Variants in CELSR3 observed in about 807,000 individuals in gnomAD.
CELSR3 encodes the protein EGF-like protein 1.
Under a neutral mutation model 270.0 loss-of-function variants are expected in CELSR3, and 73 were observed. The ratio of observed to expected loss-of-function variants is 0.27; its 90% confidence interval spans 0.22 to 0.33. The LOEUF (loss-of-function observed/expected upper bound fraction) is 0.33, where lower values mean the gene tolerates loss of function less well. CELSR3 is among the 10% of genes least tolerant of loss of function. The pLI is 1.00. For synonymous variants in CELSR3, 1,780 were observed against 1,905.4 expected (o/e 0.93, Z 1.71); for missense variants, 3,614 against 4,533.8 (o/e 0.80, Z 5.83).
At chr3:48,649,506 G>C (rs756471382) in intron 16 of CELSR3, among the ~76,000 whole-genome samples, 19 of 152,218 alleles carry the variant, frequency 1.2e-4, no homozygotes, top group Non-Finnish European at 2.8e-4. Context: ...AGATGTGCTG[G>C]TTCACACAGA....
At position 48,650,042 on chromosome 3, in the gene CELSR3, G is replaced by C. The variant is rs2047123411; in HGVS notation, c.6472+438C>G. ...CTCAGGCAGTGGGGAAAGTTCTATG[G>C]GGACCCCAGGAACTGAGAAGGGGTC... On this transcript the variant is annotated intron_variant, in intron 16 of 34. Coordinates refer to ENST00000164024, the MANE Select transcript of CELSR3 (RefSeq NM_001407.3). The surrounding 1 kb of genome is among the most constrained non-coding windows in gnomAD (Gnocchi z 5.1). 6.6e-6 allele frequency among the ~76,000 whole-genome samples: 1 copy of C among 151,754 alleles called. No homozygotes were observed. The highest frequency in any genetic ancestry group is 1.5e-5 in the Non-Finnish European group (1 of 67,944).
rs182696420 is a variant in CELSR3 at position 48,641,335 on chromosome 3, C to T, written c.9014G>A (p.Arg3005His). The T allele has an allele frequency of 1.5e-5, 24 of 1,608,052 alleles. No individual in the cohort carries two copies. The Admixed American group carries it at 1.5e-4, about 10-fold the overall frequency. The change falls in exon 33 of 35, where the codon CGC (arginine) becomes CAC (histidine). Residue 3005 changes from arginine to histidine, a missense_variant. Around this residue, in one of 7 missense-constraint regions of CELSR3, gnomAD observed 1,240 missense variants for 1,351.7 expected, o/e 0.92. Coordinates refer to ENST00000164024, the MANE Select transcript of CELSR3 (RefSeq NM_001407.3). This position sits in a 1 kb window ranked among gnomAD's most constrained non-coding sequence, Gnocchi z 4.8. ...CTCAGGGACTGTACCTTTCCTCTGG[C>T]GCTGGGCCCGGCCCAGAGAAGTCTC... ...GDETSLGRAQ[R>H]QRKGILKNRL...
At position 48,645,823 on chromosome 3, in the gene CELSR3, C is replaced by T. The variant is rs759117219; in HGVS notation, c.7509G>A (p.Val2503=). The part of the protein sequence containing the change: ...GVWTARDCEL[V]HRNGSHARCR... Reference sequence around the variant, plus strand: ...ACCGTGCGTGGGACCCATTCCTGTGCACCAGCTCGCAGTCCCGTGCTGTCC... The same window carrying T: ...ACCGTGCGTGGGACCCATTCCTGTGTACCAGCTCGCAGTCCCGTGCTGTCC... Residue 2503 remains valine, a synonymous_variant, in exon 23 of 35, where the codon GTG becomes GTA. Transcript: ENST00000164024. This position sits in a 1 kb window ranked among gnomAD's most constrained non-coding sequence, Gnocchi z 5.4. The T allele has an allele frequency of 5.0e-6, 8 of 1,610,974 alleles. No homozygotes were observed. Among genetic ancestry groups the T allele is most frequent in the East Asian group, 2.2e-5 (1 of 44,818 alleles).
At chr3:48,638,741 C>T (rs1260157124) in intron 34 of CELSR3, among the ~76,000 whole-genome samples, 1 of 152,046 alleles carries the variant, frequency 6.6e-6, no homozygotes, top group East Asian at 1.9e-4. Flanking sequence ...GGACCCAGGC[C>T]GTGGGTTAGC....
At position 48,640,788 on chromosome 3, in the gene CELSR3, A is replaced by T; in HGVS notation, c.9026-229T>A. ...CCAGTTGTGGTCCCGGGGCAGGGGG[A>T]GGGCGGGCAGGTCTCATGGTGCAGG... is the stretch of plus-strand genomic sequence containing the variant. On this transcript the variant is annotated intron_variant, in intron 33 of 34. Transcript: ENST00000164024. The surrounding 1 kb of genome is among the most constrained non-coding windows in gnomAD (Gnocchi z 7.5). 2.0e-4 allele frequency: 65 copies of T among 332,924 alleles called. No individual in the cohort carries two copies. The highest frequency in any genetic ancestry group is 4.1e-4 in the East Asian group (7 of 16,952). 20.6% of individuals were successfully genotyped at this position (332,924 alleles called of 1,614,324 possible).
chr3:48,657,095 A>C lies in CELSR3; in HGVS notation c.4002T>G (p.Ala1334=), dbSNP rs909084567. 4 of 1,613,710 alleles carry C rather than the reference A, an allele frequency of 2.5e-6. No homozygotes were observed. The highest frequency in any genetic ancestry group is 3.4e-6 in the Non-Finnish European group (4 of 1,179,940). The change falls in exon 2 of 35, where the codon GCT becomes GCG. Residue 1334 remains alanine, a synonymous_variant. Transcript: ENST00000164024. This position sits in a 1 kb window ranked among gnomAD's most constrained non-coding sequence, Gnocchi z 5.4. ...TVLNVSFSAL[A]PRGAGAGAAG... is the part of the protein sequence containing the mutation. ...CAGCGCCCGCCCCGGCCCCACGTGG[A>C]GCTAGCGCCGAGAAACTCACATTGA...
At position 48,648,248 on chromosome 3, in the gene CELSR3, A is replaced by AAAC; in HGVS notation, c.6973+17_6973+18insGTT. ...TGGCCCCCCTGCTGTGCCCCGCCCT[A>AAAC]CCCCACCCACAACGCACTGATATTA... On this transcript the variant is annotated intron_variant, in intron 19 of 34. Coordinates refer to ENST00000164024, the MANE Select transcript of CELSR3 (RefSeq NM_001407.3). The AAAC allele has an allele frequency of 6.2e-6, 6 of 975,246 alleles. No homozygotes were observed. Among genetic ancestry groups the AAAC allele is most frequent in the African/African-American group, 1.8e-5 (1 of 55,098 alleles). The allele number at this position is 975,246 out of a possible 1,614,324, so 60.4% of individuals were successfully genotyped here. A position where few individuals can be genotyped will look rare whatever the true frequency, so the allele number is the denominator to read the frequency against.
chr3:48,645,971 ATTCCT>A lies in CELSR3; in HGVS notation c.7464-108_7464-104del. 3 of 1,570,686 alleles carry A rather than the reference ATTCCT, an allele frequency of 1.9e-6. No individual in the cohort carries two copies. The highest frequency in any genetic ancestry group is 2.7e-5 in the African/African-American group (2 of 74,016). ...AGGGTGCCTGGAGTTGGGGTACAGCATTCCTCATGGTCCGGGTTGCACAACAGCAC... is the reference window on the plus strand; with the variant it reads ...AGGGTGCCTGGAGTTGGGGTACAGCACATGGTCCGGGTTGCACAACAGCAC... On this transcript the variant is annotated intron_variant, in intron 22 of 34. Transcript: ENST00000164024. This position sits in a 1 kb window ranked among gnomAD's most constrained non-coding sequence, Gnocchi z 5.4.
Position 48,651,593 on chromosome 3 carries a change from G to A in CELSR3, c.6049C>T (p.His2017Tyr), listed in dbSNP as rs2047137646. ...GCCTCTTACCTGTGCTCACAGTGGT[G>A]CCCGAAATAGCCACCCACACAGTCA... ...TCDCVGGYFG[H>Y]HCEHRMDQQC... The change falls in exon 13 of 35, where the codon CAC becomes TAC. Residue 2017 changes from histidine to tyrosine, a missense_variant. Around this residue, in one of 7 missense-constraint regions of CELSR3, gnomAD observed 1,331 missense variants for 1,933.7 expected, o/e 0.69. Transcript: ENST00000164024. The surrounding 1 kb of genome is among the most constrained non-coding windows in gnomAD (Gnocchi z 7.4). The A allele has an allele frequency of 1.3e-6, 2 of 1,574,694 alleles. No individual in the cohort carries two copies. The highest frequency in any genetic ancestry group is 1.7e-6 in the Non-Finnish European group (2 of 1,157,850).
chr3:48,654,507 C>T lies in CELSR3; in HGVS notation c.4989-55G>A, dbSNP rs1575543982. 4 of 1,475,580 alleles carry T rather than the reference C, an allele frequency of 2.7e-6. No individual in the cohort carries two copies. The East Asian group carries it at 6.9e-5, about 25-fold the overall frequency. 91.4% of individuals were successfully genotyped at this position (1,475,580 alleles called of 1,614,324 possible). On this transcript the variant is annotated intron_variant, in intron 6 of 34. Transcript: ENST00000164024. The surrounding 1 kb of genome is among the most constrained non-coding windows in gnomAD (Gnocchi z 5.4). ...GGACTGGGGCCAGAGTAGAGTTGCTCCTGGGGGGCCACAGGAAGCAGGGGG... is the reference window on the plus strand; with the variant it reads ...GGACTGGGGCCAGAGTAGAGTTGCTTCTGGGGGGCCACAGGAAGCAGGGGG...
At position 48,640,790 on chromosome 3, in the gene CELSR3, G is replaced by T; in HGVS notation, c.9026-231C>A. The T allele has an allele frequency of 1.7e-6, 1 of 572,088 alleles. No individual in the cohort carries two copies. Among genetic ancestry groups the T allele is most frequent in the East Asian group, 2.9e-5 (1 of 34,090 alleles). 35.4% of individuals were successfully genotyped at this position (572,088 alleles called of 1,614,324 possible). Reference sequence around the variant, plus strand: ...AGTTGTGGTCCCGGGGCAGGGGGAGGGCGGGCAGGTCTCATGGTGCAGGGG... The same window carrying T: ...AGTTGTGGTCCCGGGGCAGGGGGAGTGCGGGCAGGTCTCATGGTGCAGGGG... On this transcript the variant is annotated intron_variant, in intron 33 of 34. Transcript: ENST00000164024. The surrounding 1 kb of genome is among the most constrained non-coding windows in gnomAD (Gnocchi z 7.5).
chr3:48,658,095 C>T lies in CELSR3; in HGVS notation c.3749-747G>A, dbSNP rs992794694. Among the ~76,000 whole-genome samples, 5 of 152,180 alleles carry T rather than the reference C, an allele frequency of 3.3e-5. No individual in the cohort carries two copies. Among genetic ancestry groups the T allele is most frequent in the East Asian group, 1.9e-4 (1 of 5,194 alleles). On this transcript the variant is annotated intron_variant, in intron 1 of 34. Coordinates refer to ENST00000164024, the MANE Select transcript of CELSR3 (RefSeq NM_001407.3). This position sits in a 1 kb window ranked among gnomAD's most constrained non-coding sequence, Gnocchi z 4.7. ...AGGTGAGGTGCTTAGCTGCCTTGTT[C>T]GTCTTGTCCCCACACCCTAGCACAT...
Position 48,651,711 on chromosome 3 carries a change from G to A in CELSR3, c.5931C>T (p.Tyr1977=), listed in dbSNP as rs142726787. 47 of 1,546,702 alleles carry A rather than the reference G, an allele frequency of 3.0e-5. No homozygotes were observed. The highest frequency in any genetic ancestry group is 3.8e-4 in the Middle Eastern group (2 of 5,288). Residue 1977 remains tyrosine, a synonymous_variant, in exon 13 of 35, where the codon TAC becomes TAT. Coordinates refer to ENST00000164024, the MANE Select transcript of CELSR3 (RefSeq NM_001407.3). This position sits in a 1 kb window ranked among gnomAD's most constrained non-coding sequence, Gnocchi z 7.4. ...TFSCTCQPGY[Y]GPGCVDACLL... Reference sequence around the variant, plus strand: ...GGCAGGCATCCACACAGCCTGGGCCGTAGTAACCTGCAGATTGGGTCAGAA... The same window carrying A: ...GGCAGGCATCCACACAGCCTGGGCCATAGTAACCTGCAGATTGGGTCAGAA...
chr3:48,643,358 C>G (rs2106700269), intron 28 of CELSR3, 196 bp downstream of exon 28: 3 of 749,368 alleles, frequency 4.0e-6, no homozygotes, highest in African/African-American at 1.8e-5. Flanking sequence ...AGTCTGGGAT[C>G]AGTGCCTAAG....
At chr3:48,649,325 T>A in intron 16 of CELSR3, 110 bp from the exon 17 acceptor site, 1 of 913,706 alleles carries the variant, frequency 1.1e-6, no homozygotes, top group Non-Finnish European at 1.7e-6. Flanking sequence ...GAAGTCAGAG[T>A]CATGAGCATC....
rs187635398 is a variant in CELSR3 at position 48,648,634 on chromosome 3, C to G, written c.6777+85G>C. 504 of 1,490,508 alleles carry G rather than the reference C, an allele frequency of 3.4e-4. 1 individual carries two copies. The highest frequency in any genetic ancestry group is 3.1e-3 in the African/African-American group (225 of 72,646). The allele number at this position is 1,490,508 out of a possible 1,614,324, so 92.3% of individuals were successfully genotyped here. A position where few individuals can be genotyped will look rare whatever the true frequency, so the allele number is the denominator to read the frequency against. ...CCAGGACCTTCACTTCCCAAGAGAA[C>G]AGCAGGAGCCTGAGCTGGGGATCCA... is the stretch of plus-strand genomic sequence containing the variant. On this transcript the variant is annotated intron_variant, in intron 18 of 34. Coordinates refer to ENST00000164024, the MANE Select transcript of CELSR3 (RefSeq NM_001407.3).
rs139065699 is a variant in CELSR3, at chr3:48,639,913, G to A, written c.9672C>T (p.Leu3224=). 6.2e-7 allele frequency: 1 copy of A among 1,613,144 alleles called. No individual in the cohort carries two copies. The part of the protein sequence containing the change: ...REALGPLPQL[L]RAREDSVSGP... ...CACTGACCGAGTCCTCCCTAGCTCT[G>A]AGCAGCTGCGGGAGTGGCCCAAGGG... Residue 3224 remains leucine, a synonymous_variant, in exon 34 of 35, where the codon CTC becomes CTT. Coordinates refer to ENST00000164024, the MANE Select transcript of CELSR3 (RefSeq NM_001407.3). The surrounding 1 kb of genome is among the most constrained non-coding windows in gnomAD (Gnocchi z 4.1).
rs764072192 is a variant in CELSR3, at chr3:48,656,680, G to T, written c.4399+18C>A. ...TTGGCCCGTGCTTCCCCCAGCTCTG[G>T]CCCGGCGCCCTGCTCACCGGTGAAG... is the stretch of plus-strand genomic sequence containing the variant. On this transcript the variant is annotated intron_variant, in intron 2 of 34. Transcript: ENST00000164024. The T allele has an allele frequency of 1.9e-5, 28 of 1,467,176 alleles. No homozygotes were observed. Among genetic ancestry groups the T allele is most frequent in the Non-Finnish European group, 2.5e-5 (28 of 1,116,008 alleles). 90.9% of individuals were successfully genotyped at this position (1,467,176 alleles called of 1,614,324 possible).
rs76423828 is a variant in CELSR3, at chr3:48,661,701, G to T, written c.934C>A (p.Arg312=). 7.6e-4 allele frequency: 1,191 copies of T among 1,573,338 alleles called. 10 individuals are homozygous for T. The African/African-American group carries it at 0.014, about 18-fold the overall frequency. Residue 312 remains arginine (R), a synonymous_variant, in exon 1 of 35, where the codon CGG becomes AGG. Transcript: ENST00000164024. ...TTTGCGGCGCGACGAAAGCGTGCCC[G>T]GTTCGCCGAGGTTACTTTCCTGGCT... ...PEARKVTSAN[R]ARFRRAANRH...
Sources: gnomAD v4.1 joint callset for allele counts (sites outside exome capture counted in the v4.1 genomes callset) on GRCh38, gnomAD v4.1.1 for gene constraint, gnomAD v4.1.1 regional missense constraint, Gnocchi (gnomAD v3.1) non-coding constraint, MANE v1.5 for transcripts, NCBI Gene and HGNC (gene_info 2026-07-23, HGNC 2026-07-21) for gene names.